ROBO2: variants seen among roughly 807,000 people sequenced by gnomAD.
The protein encoded by ROBO2 is roundabout homolog 2.
Under a neutral mutation model 160.8 loss-of-function variants are expected in ROBO2, and 53 were observed. The ratio of observed to expected loss-of-function variants is 0.33; its 90% CI spans 0.26 to 0.41. The LOEUF (loss-of-function observed/expected upper bound fraction) is 0.41. Among genes scored for constraint, ROBO2 ranks in the 10% least tolerant of loss-of-function variants. The pLI, the probability that ROBO2 is intolerant of heterozygous loss-of-function variation, is 1.00. For missense variants in ROBO2, 1,577 were observed against 1,722.4 expected, an observed-to-expected ratio of 0.92 and a Z score of 1.49; for synonymous variants, 664 against 611.7, an observed-to-expected ratio of 1.09 and a Z score of -1.26.
intron 2 of ROBO2, among the ~76,000 whole-genome samples, chr3:76,272,892 AAATATAATATATATTT>A (rs1559706055): frequency 1.4e-4 from 8 of 57,698 alleles, no homozygotes; most frequent in South Asian, 5.3e-4. Context: ...TTATATATAA[AAATATAATATATATTT>A]ATATATAAAA....
At chr3:76,992,910 C>T (rs181379011) in intron 2 of ROBO2, among the ~76,000 whole-genome samples, 6 of 152,234 alleles carry the variant, frequency 3.9e-5, no homozygotes, top group South Asian at 2.1e-4. Context: ...CTCCACCTGC[C>T]GGGTTCAAGT....
intron 2 of ROBO2, among the ~76,000 whole-genome samples, chr3:76,325,660 A>G (rs2072952165): frequency 6.6e-6 from 1 of 152,044 alleles, no homozygotes; most frequent in Non-Finnish European, 1.5e-5. Context: ...TTGATTTTTT[A>G]TTAATGCTAC....
chr3:77,497,260 C>T (rs1402995698), intron 5 of ROBO2, among the ~76,000 whole-genome samples: 1 of 152,088 alleles, frequency 6.6e-6, no homozygotes, highest in Admixed American at 6.5e-5. Context: ...GATTTCAATA[C>T]ATATGTGTTA....
chr3:77,320,566 A>G (rs1331555737), intron 2 of ROBO2, among the ~76,000 whole-genome samples: 2 of 152,166 alleles, frequency 1.3e-5, no homozygotes, highest in Non-Finnish European at 2.9e-5. Flanking sequence ...TTAAAAAAAA[A>G]AAGAAGGGCT....
chr3:77,028,491 G>A (rs539762248), intron 2 of ROBO2, among the ~76,000 whole-genome samples: 9 of 152,154 alleles, frequency 5.9e-5, no homozygotes, highest in African/African-American at 1.4e-4. Flanking sequence ...TGAGGCAGGC[G>A]GATCACCTGA....
At chr3:76,910,440 A>G (rs1177180690) in intron 2 of ROBO2, among the ~76,000 whole-genome samples, 2 of 152,018 alleles carry the variant, frequency 1.3e-5, no homozygotes, top group Admixed American at 1.3e-4. Flanking sequence ...AATCATATAC[A>G]TTGTTGGCCG....
intron 2 of ROBO2, among the ~76,000 whole-genome samples, chr3:77,475,975 A>T (rs553668650): frequency 6.6e-6 from 1 of 152,242 alleles, no homozygotes; most frequent in Non-Finnish European, 1.5e-5. Context: ...TTATAAACTG[A>T]GAGTGAGCAA....
intron 2 of ROBO2, among the ~76,000 whole-genome samples, chr3:77,111,212 A>G (rs1468621688): frequency 6.6e-6 from 1 of 152,166 alleles, no homozygotes; most frequent in Non-Finnish European, 1.5e-5. Context: ...AAGCATATCT[A>G]GAATTTATAA....
intron 2 of ROBO2, among the ~76,000 whole-genome samples, chr3:76,433,264 A>C (rs1043989169): frequency 1.8e-4 from 28 of 152,248 alleles, no homozygotes; most frequent in Non-Finnish European, 1.5e-5. Flanking sequence ...TTATCACTAA[A>C]TAAAACCTTA....
At chr3:76,226,932 C>T (rs1310440000) in intron 2 of ROBO2, among the ~76,000 whole-genome samples, 1 of 152,136 alleles carries the variant, frequency 6.6e-6, no homozygotes, top group East Asian at 1.9e-4. Flanking sequence ...CCATGAAAGT[C>T]CAGGAGGCCT....
chr3:77,582,842 C>T (rs1007984987), intron 16 of ROBO2, among the ~76,000 whole-genome samples: 1 of 151,958 alleles, frequency 6.6e-6, no homozygotes, highest in Non-Finnish European at 1.5e-5. Context: ...ATATTCTGCT[C>T]CATAAATTCA....
At chr3:77,461,091 A>C (rs5022419) in intron 2 of ROBO2, among the ~76,000 whole-genome samples, 51,911 of 151,828 alleles carry the variant, frequency 0.34, 9,236 homozygotes, top group South Asian at 0.44. Context: ...TAATTGAAAA[A>C]AACAACAACA....
intron 2 of ROBO2, among the ~76,000 whole-genome samples, chr3:77,252,807 CAAAAAAA>C (rs1182786373): frequency 5.0e-4 from 16 of 32,020 alleles, no homozygotes; most frequent in East Asian, 5.8e-4. Context: ...GACTCCATCT[CAAAAAAA>C]AAAAAAAAAA....
chr3:77,402,434 A>T (rs2075886659), intron 2 of ROBO2, among the ~76,000 whole-genome samples: 2 of 151,846 alleles, frequency 1.3e-5, no homozygotes, highest in Non-Finnish European at 2.9e-5. Context: ...AAAGTATAAT[A>T]AAAAAAATTA....
Position 77,334,776 on chromosome 3 carries a change from G to A in ROBO2, c.389-142638G>A, listed in dbSNP as rs148798744. ...GTGGGTCTTAGTGAGATACAAATCTGCCACTAAGGTACCACTTATTAGGCC... is the reference window on the plus strand; with the variant it reads ...GTGGGTCTTAGTGAGATACAAATCTACCACTAAGGTACCACTTATTAGGCC... On this transcript the variant is annotated intron_variant, in intron 2 of 25. Transcript: ENST00000461745. 3.6e-3 allele frequency among the ~76,000 whole-genome samples: 541 copies of A among 152,174 alleles called. 1 individual carries two copies. The highest frequency in any genetic ancestry group is 0.012 in the African/African-American group (498 of 41,516).
chr3:76,842,456 G>C (rs546846817), intron 2 of ROBO2, among the ~76,000 whole-genome samples: 2 of 152,214 alleles, frequency 1.3e-5, no homozygotes, highest in South Asian at 4.1e-4. Context: ...ACCAAGAACT[G>C]TGAGTGTAGA....
Position 76,332,774 on chromosome 3 carries a change from G to A in ROBO2, c.109+395172G>A, listed in dbSNP as rs190555010. The stretch of plus-strand genomic sequence containing the variant: ...TTTTTTTTCCTTCAAAATATATTTA[G>A]TGCATTCCAGATGATTCATCCATAA... On this transcript the variant is annotated intron_variant, in intron 2 of 26. Transcript: ENST00000487694. Among the ~76,000 whole-genome samples the A allele has an allele frequency of 5.6e-3, 858 of 152,098 alleles. 6 individuals carry two copies. Among genetic ancestry groups the A allele is most frequent in the African/African-American group, 0.02 (811 of 41,476 alleles).
At chr3:76,906,785 C>T (rs2075634644) in intron 2 of ROBO2, among the ~76,000 whole-genome samples, 1 of 152,044 alleles carries the variant, frequency 6.6e-6, no homozygotes, top group Non-Finnish European at 1.5e-5. Context: ...AATGTCCATC[C>T]CTTTTCTCCA....
intron 2 of ROBO2, among the ~76,000 whole-genome samples, chr3:77,214,695 C>A (rs2084682277): frequency 6.6e-6 from 1 of 152,130 alleles, no homozygotes; most frequent in Admixed American, 6.6e-5. Flanking sequence ...TACAATTTGG[C>A]ATGTTTTTGC....
Sources: gnomAD v4.1 joint callset for allele counts (sites outside exome capture counted in the v4.1 genomes callset) on GRCh38, gnomAD v4.1.1 for gene constraint, MANE v1.5 for transcripts, NCBI Gene and HGNC (gene_info 2026-07-23, HGNC 2026-07-21) for gene names.